NFU1: variants seen among roughly 807,000 people sequenced by gnomAD.
NFU1 encodes the protein NFU1 iron-sulfur cluster scaffold homolog, mitochondrial.
NFU1 carries 30 observed loss-of-function variants against 32.2 expected under a neutral mutation model. The ratio of observed to expected loss-of-function variants is 0.93; its 90% CI spans 0.70 to 1.26. NFU1 has a LOEUF of 1.26. Among genes scored for constraint, NFU1 ranks in the 50% most tolerant of loss-of-function variants. The pLI is 0.00. For synonymous variants in NFU1, 112 were observed against 104.6 expected (o/e 1.07, Z -0.43); for missense variants, 306 against 306.6 (o/e 1.00, Z 0.02).
At chr2:69,437,849 A>G (rs1280857421), upstream of NFU1, among the ~76,000 whole-genome samples, 1 of 152,114 alleles carries the variant, frequency 6.6e-6, no homozygotes, top group African/African-American at 2.4e-5. Context: ...CATTCCTTCT[A>G]AAAGGTTCTC....
intron 5 of NFU1, among the ~76,000 whole-genome samples, chr2:69,412,143 CAA>C (rs1218735488): frequency 6.6e-6 from 1 of 151,746 alleles, no homozygotes; most frequent in Non-Finnish European, 1.5e-5. Flanking sequence ...CTCTGCCTCC[CAA>C]GTTCAAGCAA....
At chr2:69,404,615 A>ATAT (rs1426118283) in intron 6 of NFU1, among the ~76,000 whole-genome samples, 72 of 73,010 alleles carry the variant, frequency 9.9e-4, no homozygotes, top group South Asian at 1.6e-3. Flanking sequence ...ATCTTAGCAA[A>ATAT]TTTTTTTTTT....
chr2:69,416,319 T>C (rs937639451), intron 4 of NFU1: 16 of 146,438 alleles, frequency 1.1e-4, no homozygotes, highest in Middle Eastern at 3.6e-3. Flanking sequence ...AATTTATAAT[T>C]AATAAAAATT....
At chr2:69,406,667 C>T (rs1424054442) in intron 5 of NFU1, among the ~76,000 whole-genome samples, 1 of 152,156 alleles carries the variant, frequency 6.6e-6, no homozygotes, top group Non-Finnish European at 1.5e-5. Flanking sequence ...ACCTCCTGGG[C>T]TCAAGCAGTC....
At chr2:69,410,580 G>C (rs1272326098) in intron 5 of NFU1, among the ~76,000 whole-genome samples, 1 of 152,100 alleles carries the variant, frequency 6.6e-6, no homozygotes, top group Non-Finnish European at 1.5e-5. Flanking sequence ...TATCTGATAA[G>C]GTTATTTTAA....
intron 6 of NFU1, among the ~76,000 whole-genome samples, chr2:69,401,285 T>C (rs556032308): frequency 3.9e-5 from 6 of 152,340 alleles, no homozygotes; most frequent in African/African-American, 1.4e-4. Context: ...GCTGCCATTA[T>C]CCTAATTCAT....
chr2:69,400,386 G>A lies in NFU1; in HGVS notation c.698C>T (p.Pro233Leu), dbSNP rs777602937. The change falls in exon 7 of 8, where the codon CCG (proline) becomes CTG (leucine). Residue 233 changes from proline (P) to leucine (L), a missense_variant. By Grantham distance (98) the Pro-to-Leu change is moderately conservative. Coordinates refer to ENST00000410022, the MANE Select transcript of NFU1 (RefSeq NM_001002755.4). ...GIQNMLQFYI[P>L]EVEGVEQVMD... ...TACCTGTTCTACGCCTTCTACCTCC[G>A]GAATATAAAACTGCAGCATGTTCTG... is the stretch of plus-strand genomic sequence containing the variant. The A allele has an allele frequency of 2.3e-5, 37 of 1,613,826 alleles. No individual in the cohort carries two copies. The Admixed American group carries it at 3.3e-4, about 15-fold the overall frequency.
chr2:69,432,147 T>A, intron 1 of NFU1, 142 bp from the exon 2 acceptor site: 1 of 654,504 alleles, frequency 1.5e-6, no homozygotes, highest in South Asian at 1.7e-5. Context: ...TGACTTTTCA[T>A]CTTCCATCTA....
intron 2 of NFU1, chr2:69,430,032 A>C (rs1673588758): frequency 9.1e-6 from 3 of 329,728 alleles, no homozygotes; most frequent in South Asian, 7.1e-5. Context: ...CTGCCTCAAA[A>C]ACAAACAAAA....
intron 4 of NFU1, among the ~76,000 whole-genome samples, chr2:69,417,320 A>C (rs1673089002): frequency 6.6e-6 from 1 of 152,042 alleles, no homozygotes. Flanking sequence ...CTGGAAGAAA[A>C]CAAAATAAAT....
At chr2:69,436,035 C>T (rs1673822053) in intron 1 of NFU1, among the ~76,000 whole-genome samples, 1 of 152,034 alleles carries the variant, frequency 6.6e-6, no homozygotes. Flanking sequence ...TGAGCCACCA[C>T]GCCCGGCACA....
At chr2:69,400,278 G>T in intron 7 of NFU1, 86 bp downstream of exon 7, 1 of 1,215,794 alleles carries the variant, frequency 8.2e-7, no homozygotes, top group Non-Finnish European at 1.2e-6. Context: ...TCAAATACTT[G>T]CCTTAACATC....
chr2:69,397,999 T>C (rs1303508363), intron 7 of NFU1, among the ~76,000 whole-genome samples: 3 of 152,154 alleles, frequency 2.0e-5, no homozygotes, highest in Non-Finnish European at 4.4e-5. Context: ...GCTGTCTTTT[T>C]GGTTGAGTAA....
chr2:69,428,146 G>A (rs1000240631), intron 2 of NFU1, among the ~76,000 whole-genome samples: 46 of 152,160 alleles, frequency 3.0e-4, no homozygotes, highest in African/African-American at 9.6e-4. Context: ...GTGCCTGGCC[G>A]GGCGCAGTGG....
intron 5 of NFU1, among the ~76,000 whole-genome samples, chr2:69,412,261 G>A (rs1377577288): frequency 1.3e-5 from 2 of 151,792 alleles, no homozygotes; most frequent in Non-Finnish European, 2.9e-5. Context: ...ATGTTGGCTA[G>A]GATGGTCTCG....
At chr2:69,403,668 G>A (rs1672597166) in intron 6 of NFU1, among the ~76,000 whole-genome samples, 1 of 151,970 alleles carries the variant, frequency 6.6e-6, no homozygotes, top group Non-Finnish European at 1.5e-5. Context: ...ATAGGTGTGA[G>A]CACCGTGCCC....
At chr2:69,409,501 G>A (rs1450712582) in intron 5 of NFU1, among the ~76,000 whole-genome samples, 2 of 152,144 alleles carry the variant, frequency 1.3e-5, no homozygotes. Flanking sequence ...GTTTCTGCAT[G>A]TCATAGTCTA....
At chr2:69,439,186 G>T (rs545523742), upstream of NFU1, among the ~76,000 whole-genome samples, 1 of 151,996 alleles carries the variant, frequency 6.6e-6, no homozygotes, top group African/African-American at 2.4e-5. Context: ...CCCCTGAAAC[G>T]AGGCTTCTAT....
At chr2:69,430,716 T>C (rs1673610926) in intron 2 of NFU1, among the ~76,000 whole-genome samples, 1 of 152,222 alleles carries the variant, frequency 6.6e-6, no homozygotes, top group Non-Finnish European at 1.5e-5. Flanking sequence ...GCTGAGTTAC[T>C]CAGTATTTAC....
Sources: allele counts gnomAD v4.1 joint callset (sites outside exome capture counted in the v4.1 genomes callset), GRCh38; gene constraint gnomAD v4.1.1; transcripts MANE v1.5; gene names NCBI Gene and HGNC (gene_info 2026-07-23, HGNC 2026-07-21).